DNAJB4: variants seen among roughly 807,000 people sequenced by gnomAD.
The protein encoded by DNAJB4 is dnaJ homolog subfamily B member 4.
DNAJB4 carries 10 observed loss-of-function variants against 26.6 expected under a neutral mutation model. That is an observed-to-expected ratio of 0.38 (90% confidence interval 0.23 to 0.64). The LOEUF (loss-of-function observed/expected upper bound fraction) is 0.64, where lower values mean the gene tolerates loss of function less well. DNAJB4 is among the 30% of genes least tolerant of loss of function. The pLI is 0.58. For missense variants in DNAJB4, 328 were observed against 408.2 expected (o/e 0.80, Z 1.69); for synonymous variants, 136 against 134.8 (o/e 1.01, Z -0.06).
chr1:77,980,339 A>ATATATGTGTGTGTG (rs1477495217), intron 1 of DNAJB4: 1 of 126,072 alleles, frequency 7.9e-6, no homozygotes, highest in African/African-American at 3.9e-5. Flanking sequence ...ATATATATAT[A>ATATATGTGTGTGTG]TGTGTGTGTG....
Position 77,999,915 on chromosome 1 carries a change from G to T in DNAJB4, c.-31-5165G>T, listed in dbSNP as rs189895722. Reference sequence around the variant, plus strand: ...AGATAATTTTCAAGTAATTTGGTACGACTGAGATATGTGAGGCATCAACAG... The same window carrying T: ...AGATAATTTTCAAGTAATTTGGTACTACTGAGATATGTGAGGCATCAACAG... On this transcript the variant is annotated intron_variant, in intron 1 of 2. Coordinates refer to the DNAJB4 transcript ENST00000426517. 6.6e-4 allele frequency among the ~76,000 whole-genome samples: 101 copies of T among 152,258 alleles called. 2 individuals carry two copies. In the East Asian group the frequency reaches 0.013, roughly 20 times the overall value.
At chr1:78,013,661 G>A (rs773054179) in intron 2 of DNAJB4, 42 bp downstream of exon 2, 42 of 1,427,632 alleles carry the variant, frequency 2.9e-5, no homozygotes, top group Non-Finnish European at 3.9e-5. Context: ...AAATAATTAT[G>A]TAGTTGATCA....
chr1:77,983,349 CCT>C (rs2102584773), intron 1 of DNAJB4, among the ~76,000 whole-genome samples: 1 of 152,262 alleles, frequency 6.6e-6, no homozygotes, highest in Admixed American at 6.5e-5. Context: ...GAGACAGATG[CCT>C]TCCTCTTGTC....
intron 1 of DNAJB4, among the ~76,000 whole-genome samples, chr1:78,012,417 C>T (rs1293197096): frequency 6.6e-6 from 1 of 151,672 alleles, no homozygotes; most frequent in Non-Finnish European, 1.5e-5. Flanking sequence ...TTGCCTCGGC[C>T]TCCCAAAGTG....
At chr1:78,003,602 T>G (rs1660244846), upstream of DNAJB4, among the ~76,000 whole-genome samples, 2 of 152,214 alleles carry the variant, frequency 1.3e-5, no homozygotes, top group Admixed American at 1.3e-4. Context: ...AAAGGTTTTC[T>G]AACATTTTAT....
intron 1 of DNAJB4, chr1:77,980,339 ATGTGTGTGTGTGTGTGTGTG>A (rs201096933): frequency 1.6e-5 from 2 of 126,072 alleles, no homozygotes; most frequent in Non-Finnish European, 3.2e-5. Context: ...ATATATATAT[ATGTGTGTGTGTGTGTGTGTG>A]TGTGTGTGTG....
chr1:78,009,270 T>C (rs1264474282), intron 1 of DNAJB4, among the ~76,000 whole-genome samples: 1 of 152,230 alleles, frequency 6.6e-6, no homozygotes, highest in African/African-American at 2.4e-5. Context: ...GTAAGAGTTA[T>C]TAAAGTATTA....
chr1:77,984,739 T>C (rs1255138741), intron 1 of DNAJB4, among the ~76,000 whole-genome samples: 1 of 152,220 alleles, frequency 6.6e-6, no homozygotes, highest in African/African-American at 2.4e-5. Flanking sequence ...TTGAATTCTT[T>C]ATTCCACTTA....
At chr1:78,008,745 T>A (rs2102609082) in intron 1 of DNAJB4, among the ~76,000 whole-genome samples, 1 of 152,234 alleles carries the variant, frequency 6.6e-6, no homozygotes, top group East Asian at 1.9e-4. Flanking sequence ...GTAATAAATC[T>A]TTTTAAAAAT....
chr1:77,981,138 T>A (rs559667909), intron 1 of DNAJB4: 1 of 151,990 alleles, frequency 6.6e-6, no homozygotes, highest in Non-Finnish European at 1.5e-5. Context: ...TATCACTGAA[T>A]ATTGAAAATA....
At chr1:78,013,970 A>G (rs560515123) in intron 2 of DNAJB4, among the ~76,000 whole-genome samples, 69 of 152,166 alleles carry the variant, frequency 4.5e-4, no homozygotes, top group Non-Finnish European at 9.1e-4. Context: ...GCATACCAAA[A>G]AAGATTAGAA....
chr1:77,997,451 C>T (rs941242067), intron 1 of DNAJB4, among the ~76,000 whole-genome samples: 1 of 151,726 alleles, frequency 6.6e-6, no homozygotes, highest in Non-Finnish European at 1.5e-5. Flanking sequence ...ATGGCTGCAG[C>T]GATCTGTGAC....
chr1:78,000,188 A>T (rs1305308896), upstream of DNAJB4, among the ~76,000 whole-genome samples: 1 of 152,146 alleles, frequency 6.6e-6, no homozygotes. Context: ...TTTGTTATGC[A>T]TATGGTATAG....
At chr1:78,007,395 A>C (rs925030807) in intron 1 of DNAJB4, among the ~76,000 whole-genome samples, 3 of 152,126 alleles carry the variant, frequency 2.0e-5, no homozygotes, top group Non-Finnish European at 2.9e-5. Context: ...AGCCTGGCCA[A>C]CATGGTGAAA....
At position 78,013,311 on chromosome 1, in the gene DNAJB4, C is replaced by A. The variant is rs910653043; in HGVS notation, c.472C>A (p.Pro158Thr). The A allele has an allele frequency of 1.9e-6, 3 of 1,614,034 alleles. No homozygotes were observed. Among genetic ancestry groups the A allele is most frequent in the Non-Finnish European group, 2.5e-6 (3 of 1,179,994 alleles). ...GGGGCCATCCCGCCTCAAACAAGAT[C>A]CTCCAGTTATTCATGAACTTAGAGT... ...SVGPSRLKQD[P>T]PVIHELRVSL... is the part of the protein sequence containing the mutation. Residue 158 changes from proline (P) to threonine (T), a missense_variant, in exon 2 of 3, where the codon CCT becomes ACT. By Grantham distance (38) the Pro-to-Thr change is conservative (BLOSUM62 -1). Transcript: ENST00000370763.
At chr1:78,008,073 A>G (rs905135671) in intron 1 of DNAJB4, among the ~76,000 whole-genome samples, 2 of 152,198 alleles carry the variant, frequency 1.3e-5, no homozygotes, top group Non-Finnish European at 2.9e-5. Flanking sequence ...ACAGTTGGCT[A>G]GCTGGGTGAG....
chr1:78,006,990 G>A (rs1660343568), intron 1 of DNAJB4, among the ~76,000 whole-genome samples: 1 of 152,120 alleles, frequency 6.6e-6, no homozygotes, highest in Admixed American at 6.5e-5. Context: ...GTTTAGTAAG[G>A]ATATTTGTCT....
At chr1:78,007,520 G>T (rs1239036793) in intron 1 of DNAJB4, among the ~76,000 whole-genome samples, 1 of 152,168 alleles carries the variant, frequency 6.6e-6, no homozygotes, top group Non-Finnish European at 1.5e-5. Context: ...GGCAGAGGTT[G>T]CAGTGAGCCG....
chr1:77,983,239 G>T (rs1053382602), intron 1 of DNAJB4, among the ~76,000 whole-genome samples: 1 of 152,212 alleles, frequency 6.6e-6, no homozygotes, highest in Non-Finnish European at 1.5e-5. Flanking sequence ...GCTGCCCGCA[G>T]GTCCCACCTC....
Sources: allele counts gnomAD v4.1 joint callset (sites outside exome capture counted in the v4.1 genomes callset), GRCh38; gene constraint gnomAD v4.1.1; transcripts MANE v1.5; gene names NCBI Gene and HGNC (gene_info 2026-07-23, HGNC 2026-07-21).